Variants in LRP6 observed in about 807,000 individuals in gnomAD.
The protein encoded by LRP6 is LDL receptor related protein 6.
Under a neutral mutation model 184.1 loss-of-function variants are expected in LRP6, and 43 were observed. The observed-to-expected ratio is 0.23, with a 90% CI of 0.18 to 0.30. The LOEUF (loss-of-function observed/expected upper bound fraction) is 0.30, where lower values mean the gene tolerates loss of function less well. Among genes scored for constraint, LRP6 ranks in the 10% least tolerant of loss-of-function variants. The pLI is 1.00. For synonymous variants in LRP6, 719 were observed against 684.9 expected (o/e 1.05, Z -0.78); for missense variants, 1,571 against 2,005.3 (o/e 0.78, Z 4.14).
rs1354124907 is a variant in LRP6, at chr12:12,186,799, T to C, written c.844+124A>G. ...TCAGCCTCCCAAGTAGGATTTTAAC[T>C]CTTTTTTATTCCCGCCAACTATCTT... On this transcript the variant is annotated intron_variant, in intron 4 of 22. Coordinates refer to ENST00000261349, the MANE Select transcript of LRP6 (RefSeq NM_002336.3). 6 of 897,022 alleles carry C rather than the reference T, an allele frequency of 6.7e-6. No homozygotes were observed. In the African/African-American group the frequency reaches 9.9e-5, roughly 15 times the overall value. The allele number at this position is 897,022 out of a possible 1,614,324, so 55.6% of individuals were successfully genotyped here. A position where few individuals can be genotyped will look rare whatever the true frequency, so the allele number is the denominator to read the frequency against.
chr12:12,210,403 T>C (rs556494852), intron 2 of LRP6, among the ~76,000 whole-genome samples: 63 of 152,286 alleles, frequency 4.1e-4, no homozygotes, highest in African/African-American at 1.3e-3. Context: ...TATGGATGAA[T>C]TGAAGCATCC....
At chr12:12,169,492 G>A (rs1206704247) in intron 7 of LRP6, among the ~76,000 whole-genome samples, 1 of 152,120 alleles carries the variant, frequency 6.6e-6, no homozygotes, top group African/African-American at 2.4e-5. Flanking sequence ...ACAAGCAAGG[G>A]TCTCAGGAAG....
chr12:12,219,117 T>A (rs1232785822), intron 2 of LRP6, among the ~76,000 whole-genome samples: 1 of 152,170 alleles, frequency 6.6e-6, no homozygotes, highest in Non-Finnish European at 1.5e-5. Context: ...CAAGGCTCCA[T>A]CTCAAATACA....
chr12:12,131,868 T>C lies in LRP6; in HGVS notation c.3923A>G (p.Asn1308Ser), dbSNP rs1440558712. 2 of 1,614,080 alleles carry C rather than the reference T, an allele frequency of 1.2e-6. No homozygotes were observed. The highest frequency in any genetic ancestry group is 3.3e-5 in the Admixed American group (2 of 60,004). Reference sequence around the variant, plus strand: ...TTTGTCCTGGCAGTTTGCATCTCCATTGCATCGGAGGGCACCATCAATACA... The same window carrying C: ...TTTGTCCTGGCAGTTTGCATCTCCACTGCATCGGAGGGCACCATCAATACA... ...GQCIDGALRC[N>S]GDANCQDKSD... The change falls in exon 18 of 23, where the codon AAT (asparagine) becomes AGT (serine). Residue 1308 changes from asparagine to serine, a missense_variant. Physicochemically the swap from Asn to Ser is conservative, Grantham distance 46. This residue lies in a region of LRP6 where 763 missense variants were observed against 859.5 expected (regional missense o/e 0.89). Coordinates refer to ENST00000261349, the MANE Select transcript of LRP6 (RefSeq NM_002336.3).
At chr12:12,169,008 C>T (rs761239358) in intron 7 of LRP6, among the ~76,000 whole-genome samples, 16 of 151,998 alleles carry the variant, frequency 1.1e-4, no homozygotes, top group Non-Finnish European at 1.9e-4. Context: ...GCAGGAGGAC[C>T]ATTTGAGGTC....
At chr12:12,200,149 T>C (rs1400019527) in intron 3 of LRP6, among the ~76,000 whole-genome samples, 3 of 152,236 alleles carry the variant, frequency 2.0e-5, no homozygotes, top group Middle Eastern at 3.4e-3. Flanking sequence ...GCAGAGTAGC[T>C]GGGTGCCCAA....
rs1280973658 is a variant in LRP6 at position 12,120,903 on chromosome 12, A to G, written c.*223T>C. 3 of 408,278 alleles carry G rather than the reference A, an allele frequency of 7.3e-6. No individual in the cohort carries two copies. Among genetic ancestry groups the G allele is most frequent in the African/African-American group, 6.1e-5 (3 of 49,246 alleles). 25.3% of individuals were successfully genotyped at this position (408,278 alleles called of 1,614,324 possible). On this transcript the variant is annotated 3_prime_UTR_variant, in exon 23 of 23. Transcript: ENST00000261349. Reference sequence around the variant, plus strand: ...CTTTTAGTACAAATTTTTTTTATACAAACTTTTATGGCACAAGCAGCAAAT... The same window carrying G: ...CTTTTAGTACAAATTTTTTTTATACGAACTTTTATGGCACAAGCAGCAAAT...
intron 1 of LRP6, among the ~76,000 whole-genome samples, 161 bp downstream of exon 1, chr12:12,266,520 C>T (rs1380506189): frequency 6.6e-6 from 1 of 151,986 alleles, no homozygotes; most frequent in Non-Finnish European, 1.5e-5. Flanking sequence ...GCACGCAGCC[C>T]CTGCTCCCGG....
chr12:12,180,600 G>A (rs1036705372), intron 6 of LRP6, among the ~76,000 whole-genome samples: 11 of 151,980 alleles, frequency 7.2e-5, no homozygotes, highest in African/African-American at 2.4e-4. Flanking sequence ...CAACAAACTA[G>A]AAGTAAAGCT....
intron 3 of LRP6, among the ~76,000 whole-genome samples, chr12:12,202,240 T>C (rs1476311206): frequency 1.3e-5 from 2 of 152,272 alleles, no homozygotes; most frequent in Non-Finnish European, 2.9e-5. Context: ...AGGCTCATTC[T>C]GCTTTACAAA....
At chr12:12,227,373 A>C (rs1864654980) in intron 2 of LRP6, among the ~76,000 whole-genome samples, 1 of 152,208 alleles carries the variant, frequency 6.6e-6, no homozygotes, top group African/African-American at 2.4e-5. Flanking sequence ...GCATTAGAGA[A>C]GGAATAAGTG....
chr12:12,126,155 C>T (rs1949668923), intron 20 of LRP6, among the ~76,000 whole-genome samples: 1 of 152,204 alleles, frequency 6.6e-6, no homozygotes, highest in African/African-American at 2.4e-5. Context: ...GCAACACGGC[C>T]TACCCAAGCT....
At chr12:12,210,091 CAATG>C (rs1864168314) in intron 2 of LRP6, among the ~76,000 whole-genome samples, 1 of 152,096 alleles carries the variant, frequency 6.6e-6, no homozygotes, top group African/African-American at 2.4e-5. Context: ...GGTACATTGA[CAATG>C]AAAGAAATCC....
chr12:12,138,661 A>C (rs761989668), intron 15 of LRP6, 127 bp from the exon 16 acceptor site: 23 of 1,313,028 alleles, frequency 1.8e-5, no homozygotes, highest in Non-Finnish European at 2.3e-5. Flanking sequence ...GATCTCTACC[A>C]CAAAACTTAA....
chr12:12,208,783 T>A (rs1261271034), intron 2 of LRP6, among the ~76,000 whole-genome samples: 2 of 152,162 alleles, frequency 1.3e-5, no homozygotes, highest in Non-Finnish European at 2.9e-5. Context: ...GTACAAAAGG[T>A]TAATAACCTA....
At chr12:12,200,005 C>G (rs763113431) in intron 3 of LRP6, among the ~76,000 whole-genome samples, 4 of 140,770 alleles carry the variant, frequency 2.8e-5, no homozygotes, top group Admixed American at 7.1e-5. Context: ...ACACAAGGCT[C>G]TTCTCATCCA....
intron 7 of LRP6, among the ~76,000 whole-genome samples, chr12:12,171,468 A>G (rs536769105): frequency 6.6e-6 from 1 of 152,096 alleles, no homozygotes; most frequent in East Asian, 1.9e-4. Flanking sequence ...CTTGCAGTGC[A>G]CCGAGACTGT....
intron 1 of LRP6, among the ~76,000 whole-genome samples, chr12:12,247,834 AT>A (rs1865226039): frequency 6.6e-6 from 1 of 152,188 alleles, no homozygotes; most frequent in African/African-American, 2.4e-5. Flanking sequence ...TAGTATTCAG[AT>A]AACCCAAATA....
intron 3 of LRP6, among the ~76,000 whole-genome samples, chr12:12,193,996 C>T (rs1050349544): frequency 6.6e-6 from 1 of 152,016 alleles, no homozygotes; most frequent in African/African-American, 2.4e-5. Context: ...GTATAAACCA[C>T]GACCAAGTAG....
Sources: allele counts gnomAD v4.1 joint callset (sites outside exome capture counted in the v4.1 genomes callset), GRCh38; gene constraint gnomAD v4.1.1; regional missense constraint gnomAD v4.1.1; transcripts MANE v1.5; gene names NCBI Gene and HGNC (gene_info 2026-07-23, HGNC 2026-07-21).